Variants in MEGF11 observed in about 807,000 individuals in gnomAD.
MEGF11 encodes multiple EGF like domains 11.
MEGF11 carries 126 observed loss-of-function variants against 146.6 expected under a neutral mutation model. The ratio of observed to expected loss-of-function variants is 0.86; its 90% confidence interval spans 0.74 to 1.00. The LOEUF is 1.00. Among genes scored for constraint, MEGF11 ranks in the 50% least tolerant of loss-of-function variants. The pLI, the probability that MEGF11 is intolerant of heterozygous loss-of-function variation, is 0.00. For missense variants in MEGF11, 1,509 were observed against 1,521.2 expected (o/e 0.99, Z 0.13); for synonymous variants, 532 against 583.4 (o/e 0.91, Z 1.27).
At chr15:66,228,516 G>A (rs78426331) in intron 1 of MEGF11, among the ~76,000 whole-genome samples, 21 of 152,292 alleles carry the variant, frequency 1.4e-4, no homozygotes, top group East Asian at 1.4e-3. Flanking sequence ...ACAGCAGGAC[G>A]GAAAACCAGG....
At chr15:66,075,308 G>A (rs1318479055) in intron 5 of MEGF11, among the ~76,000 whole-genome samples, 1 of 152,196 alleles carries the variant, frequency 6.6e-6, no homozygotes, top group Non-Finnish European at 1.5e-5. Flanking sequence ...CTTACAGCAA[G>A]GGCTCTATGG....
rs1447701373 is a variant in MEGF11 at position 66,176,732 on chromosome 15, C to T, written c.-8-48321G>A. Among the ~76,000 whole-genome samples, 11 of 152,286 alleles carry T rather than the reference C, an allele frequency of 7.2e-5. No homozygotes were observed. The South Asian group carries it at 1.7e-3, about 23-fold the overall frequency. ...ATTTTTTCTTGCTGCTGAGCCAGCCCGTTTACTCCAGTCCTCTGCTCTGGG... is the reference window on the plus strand; with the variant it reads ...ATTTTTTCTTGCTGCTGAGCCAGCCTGTTTACTCCAGTCCTCTGCTCTGGG... On this transcript the variant is annotated intron_variant, in intron 1 of 25. Coordinates refer to ENST00000395614, the MANE Select transcript of MEGF11 (RefSeq NM_001385028.1).
rs185697182 is a variant in MEGF11, at chr15:65,988,720, G to A, written c.395-6232C>T. 5.5e-3 allele frequency among the ~76,000 whole-genome samples: 837 copies of A among 152,370 alleles called. 7 individuals are homozygous for A. Among genetic ancestry groups the A allele is most frequent in the Non-Finnish European group, 8.3e-3 (562 of 68,042 alleles). Reference sequence around the variant, plus strand: ...TTCTGCCTTCACTACTGTATAGGAAGGTTTAGGTGCCTGTGCCCAGTCTGC... The same window carrying A: ...TTCTGCCTTCACTACTGTATAGGAAAGTTTAGGTGCCTGTGCCCAGTCTGC... On this transcript the variant is annotated intron_variant, in intron 5 of 25. Transcript: ENST00000395614.
Position 66,205,241 on chromosome 15 carries a change from G to A in MEGF11, c.-9+48364C>T, listed in dbSNP as rs538469913. On this transcript the variant is annotated intron_variant, in intron 1 of 25. Coordinates refer to ENST00000395614, the MANE Select transcript of MEGF11 (RefSeq NM_001385028.1). ...GGATCACTTGAGGCTAGGAGTTTGCGATCAGCCTGGGCAATATAGCAAGAC... is the reference window on the plus strand; with the variant it reads ...GGATCACTTGAGGCTAGGAGTTTGCAATCAGCCTGGGCAATATAGCAAGAC... Among the ~76,000 whole-genome samples, 22 of 152,140 alleles carry A rather than the reference G, an allele frequency of 1.4e-4. 1 individual carries two copies. The highest frequency in any genetic ancestry group is 4.2e-4 in the South Asian group (2 of 4,812).
chr15:65,922,811 G>T lies in MEGF11; in HGVS notation c.1822+12C>A. On this transcript the variant is annotated intron_variant, in intron 14 of 25. Coordinates refer to ENST00000395614, the MANE Select transcript of MEGF11 (RefSeq NM_001385028.1). ...CCCTCTGAGCTCTTCGGGGTCAGGG[G>T]ATTAGCCTTACTTCTCTGGCATAAG... 6.2e-7 allele frequency: 1 copy of T among 1,613,660 alleles called. No homozygotes were observed.
rs1258446815 is a variant in MEGF11 at position 65,982,308 on chromosome 15, C to T, written c.575G>A (p.Arg192Gln). Residue 192 changes from arginine to glutamine, a missense_variant, in exon 6 of 26, where the codon CGA (arginine) becomes CAA (glutamine). By Grantham distance (43) the Arg-to-Gln change is conservative. Transcript: ENST00000395614. The surrounding 1 kb of genome is among the most constrained non-coding windows in gnomAD (Gnocchi z 5.6). ...GCGGGGGTCGCAGCTGGCACCGTGTCGGCACTGGCACGGCAGCTGGCATCC... is the reference window on the plus strand; with the variant it reads ...GCGGGGGTCGCAGCTGGCACCGTGTTGGCACTGGCACGGCAGCTGGCATCC... Reference protein sequence around the residue: ...GKGCQLPCQCRHGASCDPRAG... With the variant: ...GKGCQLPCQCQHGASCDPRAG... 6.5e-7 allele frequency: 1 copy of T among 1,538,224 alleles called. No homozygotes were observed. The highest frequency in any genetic ancestry group is 8.7e-7 in the Non-Finnish European group (1 of 1,144,894).
intron 10 of MEGF11, among the ~76,000 whole-genome samples, chr15:65,934,317 T>C (rs2079688167): frequency 6.6e-6 from 1 of 152,230 alleles, no homozygotes; most frequent in South Asian, 2.1e-4. Context: ...AGTGGCACGA[T>C]CTTGGCTCAC....
intron 4 of MEGF11, among the ~76,000 whole-genome samples, chr15:66,098,811 C>A (rs151085926): frequency 3.7e-3 from 560 of 152,310 alleles, no homozygotes; most frequent in Non-Finnish European, 5.3e-3. Context: ...CAAGGTCACA[C>A]GGCATGTGTG....
At position 65,965,089 on chromosome 15, in the gene MEGF11, C is replaced by T. The variant is rs759126291; in HGVS notation, c.931G>A (p.Gly311Ser). The T allele has an allele frequency of 2.1e-5, 34 of 1,594,908 alleles. No individual in the cohort carries two copies. The highest frequency in any genetic ancestry group is 4.5e-5 in the East Asian group (2 of 44,172). Residue 311 changes from glycine to serine, a missense_variant, in exon 9 of 26, where the codon GGC becomes AGC. Gly to Ser is a moderately conservative substitution (Grantham distance 56, BLOSUM62 0). Transcript: ENST00000395614. ...TCACAGTGCTGTGAGCACTGGAAGC[C>T]GAAGGACCCGAAGGGGCACTCCTCT... Reference protein sequence around the residue: ...CQEECPFGSFGFQCSQHCDCH... With the variant: ...CQEECPFGSFSFQCSQHCDCH...
chr15:66,245,588 C>T (rs2140252744), intron 1 of MEGF11, among the ~76,000 whole-genome samples: 1 of 152,090 alleles, frequency 6.6e-6, no homozygotes, highest in East Asian at 1.9e-4. Context: ...GCTATGATTG[C>T]ACTACTGCAC....
chr15:66,036,751 T>G (rs562948331), intron 5 of MEGF11, among the ~76,000 whole-genome samples: 18 of 152,192 alleles, frequency 1.2e-4, no homozygotes, highest in African/African-American at 4.3e-4. Flanking sequence ...GCCTTAAACA[T>G]AAGCTGAATT....
At chr15:66,084,232 C>G (rs1189651079) in intron 5 of MEGF11, among the ~76,000 whole-genome samples, 1 of 152,052 alleles carries the variant, frequency 6.6e-6, no homozygotes, top group East Asian at 1.9e-4. Flanking sequence ...TGGTTAATAT[C>G]CAGAATATAT....
At chr15:65,970,085 A>AC (rs2081253118) in intron 8 of MEGF11, among the ~76,000 whole-genome samples, 1 of 152,094 alleles carries the variant, frequency 6.6e-6, no homozygotes, top group Non-Finnish European at 1.5e-5. Context: ...GGACATTGGC[A>AC]CCGTCCTTCA....
intron 20 of MEGF11, 179 bp from the exon 21 acceptor site, chr15:65,912,379 T>G: frequency 5.1e-6 from 2 of 389,910 alleles, no homozygotes; most frequent in Non-Finnish European, 9.0e-6. Flanking sequence ...AGAGCCTGAT[T>G]TGCTCCTTCC....
At chr15:66,247,614 A>T (rs1567298137) in intron 1 of MEGF11, among the ~76,000 whole-genome samples, 1 of 152,186 alleles carries the variant, frequency 6.6e-6, no homozygotes, top group Non-Finnish European at 1.5e-5. Context: ...TGTGGTGCAC[A>T]TCTGTGGTCC....
intron 1 of MEGF11, among the ~76,000 whole-genome samples, chr15:66,199,212 G>A (rs2091088426): frequency 6.6e-6 from 1 of 152,184 alleles, no homozygotes; most frequent in South Asian, 2.1e-4. Flanking sequence ...AGTGTTCATT[G>A]ATAAGTAGTA....
chr15:66,081,091 A>C (rs2085834752), intron 5 of MEGF11, among the ~76,000 whole-genome samples: 1 of 152,184 alleles, frequency 6.6e-6, no homozygotes, highest in South Asian at 2.1e-4. Context: ...TGGACAGCAT[A>C]GGGCTCAGCA....
intron 10 of MEGF11, among the ~76,000 whole-genome samples, chr15:65,932,055 TTGAGAATAATCCCGA>T (rs1355901505): frequency 7.9e-5 from 12 of 152,320 alleles, no homozygotes; most frequent in South Asian, 4.1e-4. Flanking sequence ...TAGTGAGCTC[TTGAGAATAATCCCGA>T]TGAGAATAAT....
intron 10 of MEGF11, among the ~76,000 whole-genome samples, chr15:65,943,494 G>C (rs1171695178): frequency 6.6e-6 from 1 of 152,056 alleles, no homozygotes; most frequent in African/African-American, 2.4e-5. Context: ...ATATATTCCT[G>C]ATGTATTTCG....
Sources: allele counts gnomAD v4.1 joint callset (sites outside exome capture counted in the v4.1 genomes callset), GRCh38; gene constraint gnomAD v4.1.1; non-coding constraint Gnocchi (gnomAD v3.1); transcripts MANE v1.5; gene names NCBI Gene and HGNC (gene_info 2026-07-23, HGNC 2026-07-21).